The following MYRF variants were observed in gnomAD, a reference collection of about 807,000 sequenced individuals.
The protein encoded by MYRF is myelin regulatory factor, also known as myelin gene regulatory factor.
MYRF carries 16 observed loss-of-function variants against 126.3 expected under a neutral mutation model. The ratio of observed to expected loss-of-function variants is 0.13; its 90% CI spans 0.09 to 0.19. MYRF has a LOEUF of 0.19. MYRF is among the 10% of genes least tolerant of loss of function. MYRF has a pLI of 1.00. For missense variants in MYRF, 1,104 were observed against 1,547.0 expected, an observed-to-expected ratio of 0.71 and a Z score of 4.80; for synonymous variants, 608 against 635.3, an observed-to-expected ratio of 0.96 and a Z score of 0.65.
chr11:61,781,124 T>C lies in MYRF; in HGVS notation c.2573-14T>C. Reference sequence around the variant, plus strand: ...TGGGGCTTCTCTGGCTCATACAGCCTCTGGCCTCCTCAGTGACCACCAGCC... The same window carrying C: ...TGGGGCTTCTCTGGCTCATACAGCCCCTGGCCTCCTCAGTGACCACCAGCC... On this transcript the variant is annotated splice_polypyrimidine_tract_variant and intron_variant, in intron 20 of 26. Transcript: ENST00000278836. 6.2e-7 allele frequency: 1 copy of C among 1,612,886 alleles called. No individual in the cohort carries two copies.
At chr11:61,770,042 C>T (rs1002233780) in intron 4 of MYRF, among the ~76,000 whole-genome samples, 4 of 151,970 alleles carry the variant, frequency 2.6e-5, no homozygotes, top group East Asian at 1.9e-4. Flanking sequence ...AAAGGCTGCC[C>T]CTCCTTGGGC....
intron 1 of MYRF, among the ~76,000 whole-genome samples, chr11:61,765,375 C>G (rs936869313): frequency 1.3e-5 from 2 of 152,184 alleles, no homozygotes; most frequent in Non-Finnish European, 2.9e-5. Context: ...GATCCATGCC[C>G]TGGGCCCCTC....
intron 3 of MYRF, among the ~76,000 whole-genome samples, chr11:61,769,026 C>CAGTT (rs1168785653): frequency 6.6e-6 from 1 of 152,178 alleles, no homozygotes; most frequent in African/African-American, 2.4e-5. Flanking sequence ...CCCCCAAGTG[C>CAGTT]CCTGTAGGTC....
chr11:61,755,274 T>G (rs1488951882), intron 1 of MYRF: 3 of 1,210,506 alleles, frequency 2.5e-6, no homozygotes, highest in Non-Finnish European at 3.5e-6. Flanking sequence ...TAAGGCGCTT[T>G]GGACCTCAGG....
intron 3 of MYRF, 96 bp from the exon 4 acceptor site, chr11:61,769,164 G>A: frequency 1.4e-6 from 1 of 697,058 alleles, no homozygotes; most frequent in Non-Finnish European, 2.5e-6. Context: ...GCCAGCTTCT[G>A]GGGGGCTGTG....
intron 1 of MYRF, among the ~76,000 whole-genome samples, chr11:61,762,634 C>T (rs953485302): frequency 2.6e-5 from 4 of 152,190 alleles, no homozygotes; most frequent in African/African-American, 9.7e-5. Context: ...GGCAAGCCCC[C>T]ACCCTTGTCT....
intron 3 of MYRF, among the ~76,000 whole-genome samples, chr11:61,768,000 C>T (rs2066112035): frequency 1.3e-5 from 2 of 151,808 alleles, no homozygotes; most frequent in South Asian, 4.2e-4. Context: ...TGCCTGTAAT[C>T]CCAGCTACTT....
intron 1 of MYRF, among the ~76,000 whole-genome samples, chr11:61,758,845 C>G (rs1317526979): frequency 1.3e-5 from 2 of 152,202 alleles, no homozygotes; most frequent in Non-Finnish European, 1.5e-5. Context: ...ACTATGCTTG[C>G]CTGGCACATA....
Position 61,758,898 on chromosome 11 carries a change from G to T in MYRF, c.46+6108G>T, listed in dbSNP as rs146346336. Among the ~76,000 whole-genome samples, 287 of 152,352 alleles carry T rather than the reference G, an allele frequency of 1.9e-3. 1 individual carries two copies. The highest frequency in any genetic ancestry group is 6.1e-3 in the African/African-American group (255 of 41,578). On this transcript the variant is annotated intron_variant, in intron 1 of 26. Coordinates refer to ENST00000278836, the MANE Select transcript of MYRF (RefSeq NM_001127392.3). ...AACTGCTGAATGAATGAAGGCACAC[G>T]GATGAACGCTGGTGTGCGCATGTGT...
At chr11:61,762,923 C>T (rs1312629346) in intron 1 of MYRF, among the ~76,000 whole-genome samples, 1 of 152,302 alleles carries the variant, frequency 6.6e-6, no homozygotes. Context: ...TCCCCCAAAG[C>T]ACATCTGGTT....
intron 1 of MYRF, among the ~76,000 whole-genome samples, chr11:61,758,801 C>A (rs551963657): frequency 6.6e-6 from 1 of 152,332 alleles, no homozygotes; most frequent in East Asian, 1.9e-4. Context: ...GGCTTTTGTC[C>A]CTTTTGCTCA....
At chr11:61,758,032 A>G (rs2065805603) in intron 1 of MYRF, among the ~76,000 whole-genome samples, 1 of 152,062 alleles carries the variant, frequency 6.6e-6, no homozygotes, top group Non-Finnish European at 1.5e-5. Context: ...GCCCTCACTC[A>G]CATGGTCAAG....
In MYRF at chr11:61,778,806, C is replaced by T. The variant is rs2066459691; in HGVS notation, c.2013+317C>T. ...ACAGACATCCTCGTATGGTTACCTC[C>T]AGGCTGAAATACGTGGTTTATTGTG... On this transcript the variant is annotated intron_variant, in intron 14 of 26. Coordinates refer to ENST00000278836, the MANE Select transcript of MYRF (RefSeq NM_001127392.3). The surrounding 1 kb of genome is among the most constrained non-coding windows in gnomAD (Gnocchi z 4.6). 7.0e-6 allele frequency: 4 copies of T among 570,204 alleles called. No homozygotes were observed. Among genetic ancestry groups the T allele is most frequent in the South Asian group, 4.6e-5 (3 of 65,636 alleles). 35.3% of individuals were successfully genotyped at this position (570,204 alleles called of 1,614,324 possible). A position where few individuals can be genotyped will look rare whatever the true frequency, so the allele number is the denominator to read the frequency against.
At chr11:61,779,222 T>C (rs2066473654) in intron 14 of MYRF, 41 bp from the exon 15 acceptor site, 2 of 1,516,940 alleles carry the variant, frequency 1.3e-6, no homozygotes, top group Non-Finnish European at 1.8e-6. Context: ...GACTGGGCCC[T>C]CTGTGTTGGC....
chr11:61,766,252 G>C, intron 3 of MYRF, 31 bp downstream of exon 3: 1 of 1,571,750 alleles, frequency 6.4e-7, no homozygotes, highest in Non-Finnish European at 8.6e-7. Flanking sequence ...GGGGGATACA[G>C]CGGCATAGGG....
chr11:61,780,394 C>G, intron 18 of MYRF, 104 bp downstream of exon 18: 1 of 978,582 alleles, frequency 1.0e-6, no homozygotes, highest in Non-Finnish European at 1.5e-6. Flanking sequence ...GGAGTTCATC[C>G]TTAGCCTCTT....
rs1404466893 is a variant in MYRF at position 61,755,331 on chromosome 11, C to T, written c.46+2541C>T. 5 of 1,559,910 alleles carry T rather than the reference C, an allele frequency of 3.2e-6. No individual in the cohort carries two copies. In the Admixed American group the frequency reaches 5.9e-5, roughly 19 times the overall value. ...CCCCCTCGAGGCTGGTACAGCCGGG[C>T]CCCCGTGACCGCCCGGCTAATCCCC... On this transcript the variant is annotated intron_variant, in intron 1 of 26. Transcript: ENST00000278836.
At chr11:61,774,534 G>GAAAAAAAAAAAAAAAAAAAAAAA (rs11320420) in intron 8 of MYRF, among the ~76,000 whole-genome samples, 1 of 137,362 alleles carries the variant, frequency 7.3e-6, no homozygotes. Context: ...AAAAAAAAAA[G>GAAAAAAAAAAAAAAAAAAAAAAA]AAAAAAAAAA....
intron 3 of MYRF, chr11:61,766,949 C>T (rs1313084070): frequency 8.8e-6 from 4 of 452,150 alleles, no homozygotes; most frequent in South Asian, 4.7e-5. Context: ...GTTCAGACAG[C>T]CTGGCTCCAA....
Sources: gnomAD v4.1 joint callset for allele counts (sites outside exome capture counted in the v4.1 genomes callset) on GRCh38, gnomAD v4.1.1 for gene constraint, Gnocchi (gnomAD v3.1) non-coding constraint, MANE v1.5 for transcripts, NCBI Gene and HGNC (gene_info 2026-07-23, HGNC 2026-07-21) for gene names.